The following SFI1 variants were observed in gnomAD, a reference collection of about 807,000 sequenced individuals.
The protein encoded by SFI1 is protein SFI1 homolog.
In SFI1, 195 loss-of-function variants were observed where a neutral mutation model predicts 207.5. The observed-to-expected ratio is 0.94, with a 90% CI of 0.84 to 1.06. SFI1 has a LOEUF of 1.06. Among genes scored for constraint, SFI1 ranks in the 50% least tolerant of loss-of-function variants. The probability of loss-of-function intolerance (pLI) is 0.00; values close to 1 mark genes in which losing one functional copy is unlikely to be tolerated. For synonymous variants in SFI1, 630 were observed against 598.9 expected (o/e 1.05, Z -0.76); for missense variants, 1,634 against 1,588.0 (o/e 1.03, Z -0.49).
intron 8 of SFI1, among the ~76,000 whole-genome samples, chr22:31,562,110 T>C (rs1490154835): frequency 6.6e-6 from 1 of 152,212 alleles, no homozygotes; most frequent in Non-Finnish European, 1.5e-5. Flanking sequence ...ATCAGCAAAC[T>C]GGCTCACAGG....
At chr22:31,568,227 T>TATA (rs200226425) in intron 8 of SFI1, among the ~76,000 whole-genome samples, 14 of 112,152 alleles carry the variant, frequency 1.2e-4, no homozygotes, top group Non-Finnish European at 1.3e-4. Context: ...TATATATATA[T>TATA]TTTTTTTTTT....
intron 2 of SFI1, among the ~76,000 whole-genome samples, chr22:31,522,143 C>G (rs1206549584): frequency 1.4e-5 from 2 of 144,248 alleles, no homozygotes; most frequent in African/African-American, 5.1e-5. Context: ...TCTCTGCTCA[C>G]TGCAACCTCC....
chr22:31,596,267 C>A (rs967767687), intron 15 of SFI1, among the ~76,000 whole-genome samples: 1 of 151,776 alleles, frequency 6.6e-6, no homozygotes, highest in South Asian at 2.1e-4. Context: ...ATAAATATCT[C>A]TCTCTCTCTC....
chr22:31,533,652 C>G (rs1401934545), intron 4 of SFI1, among the ~76,000 whole-genome samples: 1 of 152,094 alleles, frequency 6.6e-6, no homozygotes, highest in Non-Finnish European at 1.5e-5. Flanking sequence ...CCCTTGTTTT[C>G]AGCTGTAGCC....
At chr22:31,515,157 C>A (rs539501809) in intron 2 of SFI1, among the ~76,000 whole-genome samples, 3 of 152,154 alleles carry the variant, frequency 2.0e-5, no homozygotes, top group Admixed American at 6.6e-5. Flanking sequence ...CTATGGTATC[C>A]ACCTCAGAAT....
At chr22:31,613,015 C>G (rs1195154231) in intron 24 of SFI1, 127 bp from the exon 25 acceptor site, 6 of 938,124 alleles carry the variant, frequency 6.4e-6, no homozygotes, top group South Asian at 1.6e-5. Flanking sequence ...GCTGGCCCTT[C>G]CTAGTGGAGG....
intron 2 of SFI1, among the ~76,000 whole-genome samples, chr22:31,522,213 G>A (rs920757041): frequency 5.3e-5 from 8 of 151,810 alleles, no homozygotes; most frequent in South Asian, 2.1e-4. Context: ...GATTACAGGC[G>A]CGTGCCACCA....
At chr22:31,542,164 A>AC (rs944672868) in intron 4 of SFI1, among the ~76,000 whole-genome samples, 2 of 142,646 alleles carry the variant, frequency 1.4e-5, no homozygotes, top group African/African-American at 5.1e-5. Context: ...TCTCTCCCCC[A>AC]CCCCCCGAGA....
chr22:31,550,141 C>G, intron 5 of SFI1, 113 bp from the exon 6 acceptor site: 1 of 663,632 alleles, frequency 1.5e-6, no homozygotes, highest in Non-Finnish European at 2.6e-6. Context: ...ATCGGCCAGG[C>G]TGGTCTTGAA....
At chr22:31,508,678 G>C (rs5998019) in intron 2 of SFI1, among the ~76,000 whole-genome samples, 2 of 152,094 alleles carry the variant, frequency 1.3e-5, no homozygotes, top group Non-Finnish European at 2.9e-5. Flanking sequence ...GCTGGCTCTC[G>C]TGTCTTCTAC....
intron 3 of SFI1, among the ~76,000 whole-genome samples, chr22:31,530,071 C>A (rs1321172932): frequency 2.2e-5 from 3 of 138,082 alleles, no homozygotes; most frequent in Non-Finnish European, 4.6e-5. Context: ...TCTCTGGAAG[C>A]TGAGGCAGGA....
intron 4 of SFI1, among the ~76,000 whole-genome samples, chr22:31,544,404 G>A (rs770196463): frequency 1.3e-5 from 2 of 150,924 alleles, no homozygotes; most frequent in Non-Finnish European, 2.9e-5. Context: ...TTGTAAATAA[G>A]ACATTACTAC....
At chr22:31,503,767 T>C (rs1334803297) in intron 1 of SFI1, among the ~76,000 whole-genome samples, 1 of 150,926 alleles carries the variant, frequency 6.6e-6, no homozygotes, top group East Asian at 1.9e-4. Context: ...TTTTTTTTTT[T>C]AAGTAGAGAC....
At chr22:31,603,872 T>C in intron 18 of SFI1, 53 bp downstream of exon 18, 2 of 1,526,762 alleles carry the variant, frequency 1.3e-6, no homozygotes, top group Admixed American at 4.6e-5. Context: ...ACAGGTGGGC[T>C]GTGTGTCAGC....
At chr22:31,544,926 G>T (rs1443664766) in intron 4 of SFI1, among the ~76,000 whole-genome samples, 1 of 151,940 alleles carries the variant, frequency 6.6e-6, no homozygotes, top group Non-Finnish European at 1.5e-5. Context: ...AAGAGACAAG[G>T]TCTTGCTCTG....
chr22:31,500,734 G>A (rs1601767024), intron 1 of SFI1, among the ~76,000 whole-genome samples: 2 of 152,020 alleles, frequency 1.3e-5, no homozygotes, highest in Admixed American at 1.3e-4. Context: ...TGGGATTACA[G>A]GCGTGAGCCA....
intron 2 of SFI1, among the ~76,000 whole-genome samples, chr22:31,519,413 G>C (rs1286188013): frequency 6.6e-6 from 1 of 151,218 alleles, no homozygotes; most frequent in Non-Finnish European, 1.5e-5. Context: ...TGGGAGTAGA[G>C]GCATGCATCA....
chr22:31,606,243 G>T, intron 20 of SFI1, 85 bp from the exon 21 acceptor site: 1 of 1,242,090 alleles, frequency 8.1e-7, no homozygotes, highest in Non-Finnish European at 1.2e-6. Context: ...CAGGAGTAGG[G>T]GAAGAAGTAG....
At chr22:31,496,846 G>A (rs1395874746) in intron 1 of SFI1, among the ~76,000 whole-genome samples, 1 of 152,174 alleles carries the variant, frequency 6.6e-6, no homozygotes, top group African/African-American at 2.4e-5. Flanking sequence ...GCAGGACGGG[G>A]CCCGGAGCCT....
Sources: allele counts gnomAD v4.1 joint callset (sites outside exome capture counted in the v4.1 genomes callset), GRCh38; gene constraint gnomAD v4.1.1; transcripts MANE v1.5; gene names NCBI Gene and HGNC (gene_info 2026-07-23, HGNC 2026-07-21).